The following MEI4 variants were observed in gnomAD, a reference collection of about 807,000 sequenced individuals.
MEI4 encodes the protein meiotic double-stranded break formation protein 4, also known as meiosis-specific protein MEI4.
Under a neutral mutation model 31.4 loss-of-function variants are expected in MEI4, and 27 were observed. That is an observed-to-expected ratio of 0.86 (90% CI 0.63 to 1.19). The LOEUF (loss-of-function observed/expected upper bound fraction) is 1.19, where lower values mean the gene tolerates loss of function less well. Among genes scored for constraint, MEI4 ranks in the 50% most tolerant of loss-of-function variants. The pLI is 0.00. For synonymous variants in MEI4, 122 were observed against 145.4 expected (o/e 0.84, Z 1.16); for missense variants, 329 against 398.9 (o/e 0.82, Z 1.49).
At chr6:77,811,027 T>C (rs972279420) in intron 3 of MEI4, among the ~76,000 whole-genome samples, 1 of 152,212 alleles carries the variant, frequency 6.6e-6, no homozygotes, top group African/African-American at 2.4e-5. Context: ...TAAAACTCAA[T>C]TGCAGTCTAA....
At chr6:77,918,284 G>GT (rs1365573537) in intron 4 of MEI4, among the ~76,000 whole-genome samples, 4 of 149,770 alleles carry the variant, frequency 2.7e-5, no homozygotes, top group East Asian at 2.0e-4. Context: ...CTTTAAAGTA[G>GT]TTTTTTCCAA....
chr6:77,698,010 C>T (rs1766099467), intron 2 of MEI4, among the ~76,000 whole-genome samples: 2 of 152,146 alleles, frequency 1.3e-5, no homozygotes, highest in South Asian at 4.1e-4. Context: ...GATCCCTTTG[C>T]CATTAGATAA....
chr6:77,740,054 T>C (rs925880600), intron 2 of MEI4, among the ~76,000 whole-genome samples: 5 of 152,198 alleles, frequency 3.3e-5, no homozygotes, highest in Non-Finnish European at 2.9e-5. Context: ...AATTGCATTA[T>C]TTACCCCAAA....
intron 3 of MEI4, among the ~76,000 whole-genome samples, chr6:77,765,845 T>C (rs1182428143): frequency 3.3e-5 from 5 of 152,156 alleles, no homozygotes; most frequent in Admixed American, 1.3e-4. Flanking sequence ...TACCATTGAA[T>C]ATTATGCAGC....
At chr6:77,680,128 A>AAAAAAAAAAAAAAAAAAAAAAAAAAT (rs1247876878) in intron 1 of MEI4, among the ~76,000 whole-genome samples, 9 of 115,584 alleles carry the variant, frequency 7.8e-5, no homozygotes, top group African/African-American at 1.5e-4. Context: ...AAAAAAAAAA[A>AAAAAAAAAAAAAAAAAAAAAAAAAAT]ATTAGCTGGG....
intron 3 of MEI4, among the ~76,000 whole-genome samples, chr6:77,811,523 A>G (rs906857173): frequency 4.6e-5 from 7 of 152,180 alleles, no homozygotes; most frequent in Non-Finnish European, 1.0e-4. Context: ...TAACATTTTG[A>G]TGCCAGCACT....
intron 3 of MEI4, among the ~76,000 whole-genome samples, chr6:77,804,576 C>A (rs573083076): frequency 2.6e-5 from 4 of 152,122 alleles, no homozygotes; most frequent in African/African-American, 4.8e-5. Context: ...GGAGCTGTTC[C>A]TATTTGGCCA....
At chr6:77,813,708 C>A (rs931006765) in intron 3 of MEI4, among the ~76,000 whole-genome samples, 2 of 151,976 alleles carry the variant, frequency 1.3e-5, no homozygotes, top group Non-Finnish European at 2.9e-5. Flanking sequence ...TTGAGTATTG[C>A]AAGTCATTTG....
At chr6:77,861,161 G>A (rs769998095) in intron 4 of MEI4, among the ~76,000 whole-genome samples, 6 of 152,158 alleles carry the variant, frequency 3.9e-5, no homozygotes, top group Non-Finnish European at 8.8e-5. Flanking sequence ...ATCTCCATTT[G>A]TATGTCTTGT....
At chr6:77,760,773 C>T (rs978557640) in intron 2 of MEI4, among the ~76,000 whole-genome samples, 1 of 152,150 alleles carries the variant, frequency 6.6e-6, no homozygotes, top group Non-Finnish European at 1.5e-5. Flanking sequence ...TCTGGGTACA[C>T]CTTATTGCTT....
intron 2 of MEI4, among the ~76,000 whole-genome samples, chr6:77,733,359 A>C (rs1200063910): frequency 1.3e-5 from 2 of 151,702 alleles, no homozygotes; most frequent in Admixed American, 6.6e-5. Flanking sequence ...GTCTTGGGAG[A>C]GTGTATGTGT....
At chr6:77,664,996 G>A (rs578207702) in intron 1 of MEI4, among the ~76,000 whole-genome samples, 1 of 152,056 alleles carries the variant, frequency 6.6e-6, no homozygotes, top group East Asian at 1.9e-4. Context: ...AAGGAGGAAT[G>A]GAGGGTGGAA....
rs1020741219 is a variant in MEI4 at position 77,924,784 on chromosome 6, G to T, written c.*1438G>T. 6.6e-6 allele frequency: 1 copy of T among 151,820 alleles called. No individual in the cohort carries two copies. The highest frequency in any genetic ancestry group is 1.5e-5 in the Non-Finnish European group (1 of 67,906). 9.4% of individuals were successfully genotyped at this position (151,820 alleles called of 1,614,324 possible). A position where few individuals can be genotyped will look rare whatever the true frequency, so the allele number is the denominator to read the frequency against. Reference sequence around the variant, plus strand: ...ATTAGCACTTCCATCCACATGCATTGTCAAAGTACATCAAATGGTCAAGCC... The same window carrying T: ...ATTAGCACTTCCATCCACATGCATTTTCAAAGTACATCAAATGGTCAAGCC... On this transcript the variant is annotated 3_prime_UTR_variant, in exon 5 of 5. Transcript: ENST00000684080.
At chr6:77,787,873 G>A (rs1194650721) in intron 3 of MEI4, among the ~76,000 whole-genome samples, 1 of 152,144 alleles carries the variant, frequency 6.6e-6, no homozygotes, top group African/African-American at 2.4e-5. Flanking sequence ...TGATCATGGT[G>A]GATAAGCTTT....
intron 3 of MEI4, among the ~76,000 whole-genome samples, chr6:77,818,256 G>A (rs1313863236): frequency 1.3e-5 from 2 of 151,974 alleles, no homozygotes; most frequent in African/African-American, 4.8e-5. Flanking sequence ...ATCTAATTTT[G>A]TTTTAGATTA....
intron 2 of MEI4, 91 bp from the exon 3 acceptor site, chr6:77,761,039 T>G: frequency 1.1e-6 from 1 of 878,990 alleles, no homozygotes; most frequent in Non-Finnish European, 1.5e-6. Context: ...ATATACTTCA[T>G]TTCTTATTTT....
At chr6:77,854,336 A>AAT (rs11423731) in intron 4 of MEI4, among the ~76,000 whole-genome samples, 5 of 151,078 alleles carry the variant, frequency 3.3e-5, no homozygotes, top group African/African-American at 7.3e-5. Context: ...CTTAAAAAAA[A>AAT]CAAAACCAAA....
chr6:77,879,722 T>C (rs1771432473), intron 4 of MEI4, among the ~76,000 whole-genome samples: 1 of 152,192 alleles, frequency 6.6e-6, no homozygotes, highest in South Asian at 2.1e-4. Flanking sequence ...AGAAGTTGTC[T>C]GAGATGGTAT....
intron 4 of MEI4, among the ~76,000 whole-genome samples, chr6:77,901,428 C>T (rs1295077733): frequency 6.6e-6 from 1 of 152,000 alleles, no homozygotes; most frequent in East Asian, 1.9e-4. Flanking sequence ...GGTCATACCT[C>T]ATTGTGGTTT....
Sources: allele counts gnomAD v4.1 joint callset (sites outside exome capture counted in the v4.1 genomes callset), GRCh38; gene constraint gnomAD v4.1.1; transcripts MANE v1.5; gene names NCBI Gene and HGNC (gene_info 2026-07-23, HGNC 2026-07-21).